Variants in AGBL4 observed in about 807,000 individuals in gnomAD.
AGBL4 encodes cytosolic carboxypeptidase 6.
AGBL4 carries 58 observed loss-of-function variants against 66.4 expected under a neutral mutation model. The observed-to-expected ratio is 0.87, with a 90% CI of 0.71 to 1.09. The LOEUF (loss-of-function observed/expected upper bound fraction) is 1.09, where lower values mean the gene tolerates loss of function less well. AGBL4 is among the 50% of genes least tolerant of loss of function. The pLI is 0.00. For missense variants in AGBL4, 579 were observed against 631.0 expected, an observed-to-expected ratio of 0.92 and a Z score of 0.88; for synonymous variants, 234 against 222.9, an observed-to-expected ratio of 1.05 and a Z score of -0.44.
At chr1:49,009,871 A>C (rs1662243193) in intron 5 of AGBL4, among the ~76,000 whole-genome samples, 1 of 152,134 alleles carries the variant, frequency 6.6e-6, no homozygotes, top group African/African-American at 2.4e-5. Flanking sequence ...TATTGATGGG[A>C]CATATCTCAA....
At chr1:49,085,062 G>A (rs1644880029) in intron 4 of AGBL4, among the ~76,000 whole-genome samples, 1 of 152,086 alleles carries the variant, frequency 6.6e-6, no homozygotes, top group Non-Finnish European at 1.5e-5. Flanking sequence ...ATTTTCATAA[G>A]AGATTAGCAT....
chr1:49,212,540 A>G (rs1454348712), intron 4 of AGBL4, among the ~76,000 whole-genome samples: 3 of 152,166 alleles, frequency 2.0e-5, no homozygotes, highest in African/African-American at 7.2e-5. Flanking sequence ...CCAAATGTTT[A>G]AACAAGCTGC....
At chr1:50,019,384 A>C (rs970999895) in intron 1 of AGBL4, among the ~76,000 whole-genome samples, 3 of 150,560 alleles carry the variant, frequency 2.0e-5, no homozygotes, top group Non-Finnish European at 4.4e-5. Flanking sequence ...TGGGGGTGTA[A>C]GACATTGTAT....
At chr1:49,063,987 C>G (rs1336089998) in intron 4 of AGBL4, among the ~76,000 whole-genome samples, 2 of 152,184 alleles carry the variant, frequency 1.3e-5, no homozygotes, top group Admixed American at 1.3e-4. Flanking sequence ...CCAGGTTTTG[C>G]CAGGCATTTA....
chr1:49,062,234 T>C (rs1164543144), intron 4 of AGBL4, among the ~76,000 whole-genome samples: 1 of 152,160 alleles, frequency 6.6e-6, no homozygotes, highest in African/African-American at 2.4e-5. Flanking sequence ...GGACCACTGC[T>C]CTAGAGATTC....
chr1:48,931,710 T>C (rs898839610), intron 5 of AGBL4, among the ~76,000 whole-genome samples: 1 of 152,136 alleles, frequency 6.6e-6, no homozygotes, highest in Admixed American at 6.6e-5. Context: ...GGTTTTTCCA[T>C]GTTGACCAGC....
At chr1:49,647,920 C>T (rs1342988650) in intron 3 of AGBL4, among the ~76,000 whole-genome samples, 1 of 151,554 alleles carries the variant, frequency 6.6e-6, no homozygotes, top group Non-Finnish European at 1.5e-5. Flanking sequence ...CTTTCCATAT[C>T]TTACCACCAC....
intron 3 of AGBL4, among the ~76,000 whole-genome samples, chr1:49,512,855 CA>C (rs201648117): frequency 2.3e-4 from 35 of 149,954 alleles, no homozygotes; most frequent in East Asian, 2.2e-3. Context: ...AGAAAGTGAC[CA>C]AAAAAAAAGT....
chr1:49,804,222 C>G (rs1427235492), intron 2 of AGBL4, among the ~76,000 whole-genome samples: 1 of 152,162 alleles, frequency 6.6e-6, no homozygotes, highest in Non-Finnish European at 1.5e-5. Context: ...GTGTCCAACC[C>G]TTTGAATGCG....
intron 8 of AGBL4, among the ~76,000 whole-genome samples, chr1:48,642,193 T>G (rs2148425775): frequency 6.6e-6 from 1 of 152,226 alleles, no homozygotes; most frequent in East Asian, 1.9e-4. Context: ...TGCCCAAGGT[T>G]TATAGCAAAG....
chr1:48,771,214 T>C (rs1394570980), intron 6 of AGBL4, among the ~76,000 whole-genome samples: 1 of 152,184 alleles, frequency 6.6e-6, no homozygotes, highest in Admixed American at 6.5e-5. Context: ...CGAATGTTCT[T>C]CTGGTAGAAA....
chr1:49,176,218 G>A (rs1646828948), intron 4 of AGBL4, among the ~76,000 whole-genome samples: 1 of 152,080 alleles, frequency 6.6e-6, no homozygotes, highest in South Asian at 2.1e-4. Context: ...GTACCATGTT[G>A]GCCAATTATT....
intron 11 of AGBL4, among the ~76,000 whole-genome samples, chr1:48,572,016 A>G (rs1282516119): frequency 6.6e-6 from 1 of 152,202 alleles, no homozygotes; most frequent in African/African-American, 2.4e-5. Context: ...TGAAAAGCTC[A>G]ATAGGTATTA....
intron 3 of AGBL4, among the ~76,000 whole-genome samples, chr1:49,462,941 G>T (rs1436982650): frequency 6.6e-6 from 1 of 151,614 alleles, no homozygotes; most frequent in Non-Finnish European, 1.5e-5. Flanking sequence ...TAAAGACTAG[G>T]GAGATCATTT....
At chr1:48,847,850 T>C (rs1558037300) in intron 6 of AGBL4, among the ~76,000 whole-genome samples, 1 of 152,210 alleles carries the variant, frequency 6.6e-6, no homozygotes, top group East Asian at 1.9e-4. Flanking sequence ...CAGTCTGTGC[T>C]CATAAATGCT....
intron 3 of AGBL4, among the ~76,000 whole-genome samples, chr1:49,566,319 C>T (rs888075655): frequency 2.6e-5 from 4 of 152,228 alleles, no homozygotes; most frequent in Non-Finnish European, 4.4e-5. Flanking sequence ...TACACTCCGT[C>T]CAGCTTTGTT....
intron 3 of AGBL4, among the ~76,000 whole-genome samples, chr1:49,634,669 C>T (rs1270669791): frequency 6.6e-6 from 1 of 152,204 alleles, no homozygotes; most frequent in Non-Finnish European, 1.5e-5. Context: ...AACTAATTTA[C>T]ACTCCCAACA....
chr1:49,309,284 A>C (rs925471055), intron 3 of AGBL4, among the ~76,000 whole-genome samples: 9 of 152,090 alleles, frequency 5.9e-5, no homozygotes, highest in African/African-American at 2.2e-4. Context: ...GTACCTCTTA[A>C]GGTAGTGGGT....
At chr1:48,572,408 C>T (rs564420391) in intron 11 of AGBL4, among the ~76,000 whole-genome samples, 83 of 147,952 alleles carry the variant, frequency 5.6e-4, no homozygotes, top group Non-Finnish European at 7.6e-4. Flanking sequence ...GGAGCTAAGG[C>T]GGAAGAAAAA....
Sources: gnomAD v4.1 joint callset for allele counts (sites outside exome capture counted in the v4.1 genomes callset) on GRCh38, gnomAD v4.1.1 for gene constraint, MANE v1.5 for transcripts, NCBI Gene and HGNC (gene_info 2026-07-23, HGNC 2026-07-21) for gene names.